The following GRID2 variants were observed in gnomAD, a reference collection of about 807,000 sequenced individuals.
The protein encoded by GRID2 is glutamate ionotropic receptor delta type subunit 2, also known as glutamate receptor ionotropic, delta-2.
Under a neutral mutation model 114.8 loss-of-function variants are expected in GRID2, and 33 were observed. The ratio of observed to expected loss-of-function variants is 0.29; its 90% CI spans 0.22 to 0.38. The LOEUF is 0.38. GRID2 is among the 10% of genes least tolerant of loss of function. The pLI is 1.00. For synonymous variants in GRID2, 505 were observed against 449.9 expected (o/e 1.12, Z -1.55); for missense variants, 1,184 against 1,257.7 (o/e 0.94, Z 0.89).
chr4:93,174,888 G>T (rs973097270), intron 4 of GRID2, among the ~76,000 whole-genome samples: 5 of 152,158 alleles, frequency 3.3e-5, no homozygotes, highest in Non-Finnish European at 5.9e-5. Flanking sequence ...CCTCTGGGTT[G>T]CTTCCAGTTT....
chr4:93,410,651 T>C (rs1011196681), intron 9 of GRID2, among the ~76,000 whole-genome samples: 2 of 152,222 alleles, frequency 1.3e-5, no homozygotes, highest in Non-Finnish European at 2.9e-5. Context: ...TGGCATGATC[T>C]AGGCTCACTG....
intron 14 of GRID2, among the ~76,000 whole-genome samples, chr4:93,646,857 C>T (rs908983073): frequency 6.6e-6 from 1 of 152,048 alleles, no homozygotes; most frequent in African/African-American, 2.4e-5. Flanking sequence ...AGCTTATTTT[C>T]TGAACAAATA....
intron 1 of GRID2, among the ~76,000 whole-genome samples, chr4:92,349,117 T>G (rs914375543): frequency 1.3e-5 from 2 of 152,052 alleles, no homozygotes; most frequent in African/African-American, 4.8e-5. Context: ...AGAAATGTTA[T>G]TATTCTTGGC....
intron 13 of GRID2, among the ~76,000 whole-genome samples, chr4:93,589,279 C>T (rs1238980121): frequency 6.7e-6 from 1 of 148,584 alleles, no homozygotes; most frequent in Non-Finnish European, 1.5e-5. Context: ...TCAATTCCCA[C>T]CTATGAGTGA....
intron 1 of GRID2, among the ~76,000 whole-genome samples, chr4:92,506,938 T>G (rs1724005531): frequency 6.6e-6 from 1 of 151,952 alleles, no homozygotes; most frequent in Non-Finnish European, 1.5e-5. Context: ...TCTATTTCTC[T>G]GTCAGCCTCC....
chr4:92,886,849 A>T (rs1383793444), intron 2 of GRID2, among the ~76,000 whole-genome samples: 1 of 152,202 alleles, frequency 6.6e-6, no homozygotes, highest in Non-Finnish European at 1.5e-5. Context: ...ATGGCCTTGA[A>T]AACCTGACCT....
Position 92,964,591 on chromosome 4 carries a change from A to G in GRID2, c.245-120404A>G, listed in dbSNP as rs148305334. Among the ~76,000 whole-genome samples, 205 of 152,152 alleles carry G rather than the reference A, an allele frequency of 1.3e-3. No individual in the cohort carries two copies. The East Asian group carries it at 0.015, about 11-fold the overall frequency. On this transcript the variant is annotated intron_variant, in intron 2 of 15. Transcript: ENST00000282020. ...TTGTTTAGGGCAGCCCCCTTTGTCAATGCTTTCAGCTAGATCTTCTGAATA... is the reference window on the plus strand; with the variant it reads ...TTGTTTAGGGCAGCCCCCTTTGTCAGTGCTTTCAGCTAGATCTTCTGAATA...
At chr4:92,725,295 C>A (rs1188427674) in intron 2 of GRID2, among the ~76,000 whole-genome samples, 1 of 152,062 alleles carries the variant, frequency 6.6e-6, no homozygotes, top group Non-Finnish European at 1.5e-5. Flanking sequence ...CAGAGCAACA[C>A]TGTCTCAGAA....
At chr4:93,433,534 G>C (rs1359917175) in intron 10 of GRID2, among the ~76,000 whole-genome samples, 1 of 151,938 alleles carries the variant, frequency 6.6e-6, no homozygotes, top group East Asian at 1.9e-4. Context: ...AATGATGGAA[G>C]AGAATTCCCA....
At chr4:93,361,977 T>A (rs910080108) in intron 8 of GRID2, among the ~76,000 whole-genome samples, 6 of 152,114 alleles carry the variant, frequency 3.9e-5, no homozygotes, top group African/African-American at 1.4e-4. Context: ...TTTATCCCGA[T>A]GCTTTCCTTC....
chr4:92,747,504 T>C (rs1469810353), intron 2 of GRID2, among the ~76,000 whole-genome samples: 3 of 152,146 alleles, frequency 2.0e-5, no homozygotes. Context: ...GTTTCTGTTC[T>C]GTAATGAGTA....
chr4:92,525,832 G>A (rs957465296), intron 1 of GRID2, among the ~76,000 whole-genome samples: 1 of 152,108 alleles, frequency 6.6e-6, no homozygotes, highest in Non-Finnish European at 1.5e-5. Flanking sequence ...GCAAGGGAGA[G>A]TAGCATTTGG....
intron 2 of GRID2, among the ~76,000 whole-genome samples, chr4:92,920,171 C>G (rs1578474226): frequency 6.6e-6 from 1 of 152,056 alleles, no homozygotes. Context: ...GACTGCAACC[C>G]TTGCCTTTTT....
Position 93,238,502 on chromosome 4 carries a change from C to T in GRID2, c.1245+12C>T. 1.2e-6 allele frequency: 2 copies of T among 1,605,232 alleles called. No homozygotes were observed. The highest frequency in any genetic ancestry group is 8.5e-7 in the Non-Finnish European group (1 of 1,173,320). ...GAGGTGTTCGAAAAGTAAGACAAGA[C>T]ACACTGATTAATACGCTTTTTCCTA... On this transcript the variant is annotated intron_variant, in intron 8 of 15. Coordinates refer to ENST00000282020, the MANE Select transcript of GRID2 (RefSeq NM_001510.4).
chr4:92,709,589 A>AATAT (rs1553919235), intron 2 of GRID2, among the ~76,000 whole-genome samples: 203 of 114,622 alleles, frequency 1.8e-3, no homozygotes, highest in African/African-American at 6.0e-3. Flanking sequence ...AAAAAAAAAA[A>AATAT]ATATATATAT....
intron 1 of GRID2, among the ~76,000 whole-genome samples, chr4:92,575,607 G>A (rs1169912603): frequency 6.6e-6 from 1 of 152,138 alleles, no homozygotes; most frequent in African/African-American, 2.4e-5. Flanking sequence ...AAACCTGGAG[G>A]TATCAACAGT....
chr4:93,276,200 G>A (rs547434653), intron 8 of GRID2, among the ~76,000 whole-genome samples: 1 of 151,980 alleles, frequency 6.6e-6, no homozygotes, highest in African/African-American at 2.4e-5. Flanking sequence ...TCCATTTGTT[G>A]AAACATCTAT....
intron 2 of GRID2, among the ~76,000 whole-genome samples, chr4:92,707,727 A>C (rs1021410746): frequency 6.6e-6 from 1 of 152,216 alleles, no homozygotes; most frequent in Admixed American, 6.5e-5. Context: ...GCAAGGAAAG[A>C]GACAAAAATA....
At position 92,795,363 on chromosome 4, in the gene GRID2, C is replaced by G. The variant is rs143498780; in HGVS notation, c.244+205077C>G. Among the ~76,000 whole-genome samples the G allele has an allele frequency of 4.4e-3, 670 of 151,918 alleles. 3 individuals carry two copies. The highest frequency in any genetic ancestry group is 7.9e-3 in the Non-Finnish European group (536 of 67,896). ...GGGGTTTCTGCTTTTGCTTCTTCCT[C>G]ATTTTCTGTTGCCACCACCATGTAA... On this transcript the variant is annotated intron_variant, in intron 2 of 15. Coordinates refer to ENST00000282020, the MANE Select transcript of GRID2 (RefSeq NM_001510.4).
Sources: gnomAD v4.1 joint callset for allele counts (sites outside exome capture counted in the v4.1 genomes callset) on GRCh38, gnomAD v4.1.1 for gene constraint, MANE v1.5 for transcripts, NCBI Gene and HGNC (gene_info 2026-07-23, HGNC 2026-07-21) for gene names.